The following UBA1 variants were observed in gnomAD, a reference collection of about 807,000 sequenced individuals.
UBA1 encodes ubiquitin-like modifier-activating enzyme 1.
UBA1 carries 4 observed loss-of-function variants against 84.7 expected under a neutral mutation model. The observed-to-expected ratio is 0.05, with a 90% CI of 0.02 to 0.11. UBA1 has a LOEUF of 0.11. UBA1 is among the 10% of genes least tolerant of loss of function. The pLI is 1.00. For missense variants in UBA1, 513 were observed against 902.8 expected, an observed-to-expected ratio of 0.57 and a Z score of 5.53; for synonymous variants, 364 against 362.6, an observed-to-expected ratio of 1.00 and a Z score of -0.04.
At chrX:47,198,572 G>A (rs1220529886) in intron 1 of UBA1, among the ~76,000 whole-genome samples, 1 of 111,686 alleles carries the variant, frequency 9.0e-6, no homozygotes, top group Non-Finnish European at 1.9e-5. Context: ...AGAAGCAAAT[G>A]GCTTAGTGGT....
chrX:47,191,398 A>G (rs1407969115), upstream of UBA1: 1 of 110,990 alleles, frequency 9.0e-6, no homozygotes, highest in Non-Finnish European at 1.9e-5. Context: ...TTTTGTGATG[A>G]GGTCCTCCCC....
At chrX:47,198,547 T>G (rs927968141) in intron 1 of UBA1, among the ~76,000 whole-genome samples, 4 of 111,427 alleles carry the variant, frequency 3.6e-5, no homozygotes, top group Non-Finnish European at 5.7e-5. Flanking sequence ...TCTCCCTCAT[T>G]ATGCTGGGCT....
rs782598394 is a variant in UBA1, at chrX:47,203,769, C to T, written c.1575+73C>T. 85 of 859,898 alleles carry T rather than the reference C, an allele frequency of 9.9e-5. No individual in the cohort carries two copies. The South Asian group carries it at 1.1e-3, about 12-fold the overall frequency. 70.9% of individuals were successfully genotyped at this position (859,898 alleles called of 1,213,427 possible). A position where few individuals can be genotyped will look rare whatever the true frequency, so the allele number is the denominator to read the frequency against. ...TTTCTTTTTTTTTTTTTTTTTGAGACGGAGTTTCGCTCTTGTTGCCCAGGC... is the reference window on the plus strand; with the variant it reads ...TTTCTTTTTTTTTTTTTTTTTGAGATGGAGTTTCGCTCTTGTTGCCCAGGC... On this transcript the variant is annotated intron_variant, in intron 14 of 25. Transcript: ENST00000335972.
In UBA1 at chrX:47,215,045, A is replaced by C. The variant is rs946021863; in HGVS notation, c.*116A>C. On this transcript the variant is annotated 3_prime_UTR_variant, in exon 26 of 26. Transcript: ENST00000335972. ...AACTAGCCAAGTCTGGTGTTCCCTC[A>C]TCATCCCCCTACCTGAACCCCTCTT... is the stretch of plus-strand genomic sequence containing the variant. The C allele has an allele frequency of 9.6e-7, 1 of 1,043,805 alleles. No homozygotes were observed. Among genetic ancestry groups the C allele is most frequent in the African/African-American group, 1.9e-5 (1 of 53,998 alleles). 86.0% of individuals were successfully genotyped at this position (1,043,805 alleles called of 1,213,427 possible).
At chrX:47,197,460 G>A (rs1936244457) in intron 1 of UBA1, 1 of 753,218 alleles carries the variant, frequency 1.3e-6, no homozygotes, top group Non-Finnish European at 1.6e-6. Flanking sequence ...TAGGTACATT[G>A]GGATACTTAG....
Position 47,202,450 on chromosome X carries a change from G to C in UBA1, c.1002G>C (p.Gln334His), listed in dbSNP as rs782806592. The change falls in exon 10 of 26, where the codon CAG becomes CAC. Residue 334 changes from glutamine to histidine, a missense_variant. Gln to His is a conservative substitution (Grantham distance 24, BLOSUM62 0). This residue lies in a region of UBA1 where 227 missense variants were observed against 339.1 expected (regional missense o/e 0.67). Transcript: ENST00000335972. ...CTGCCCAGCTGCACATTGGCTTCCA[G>C]GCCCTGCACCAGTTCTGTGCTCAGC... is the stretch of plus-strand genomic sequence containing the variant. Reference protein sequence around the residue: ...SRPAQLHIGFQALHQFCAQHG... With the variant: ...SRPAQLHIGFHALHQFCAQHG... 24 of 1,206,817 alleles carry C rather than the reference G, an allele frequency of 2.0e-5. No individual in the cohort carries two copies. In the East Asian group the frequency reaches 7.1e-4, roughly 36 times the overall value.
chrX:47,214,218 G>A (rs1429112626), intron 23 of UBA1, 109 bp from the exon 24 acceptor site: 2 of 666,186 alleles, frequency 3.0e-6, no homozygotes, highest in East Asian at 6.4e-5. Flanking sequence ...ACAAAAGAGG[G>A]TTGTGATCTG....
At chrX:47,198,145 C>A in intron 1 of UBA1, 1 of 949,184 alleles carries the variant, frequency 1.1e-6, no homozygotes, top group South Asian at 2.2e-5. Flanking sequence ...AACTTGAGCC[C>A]CTCTGGGGAC....
At position 47,214,843 on chromosome X, in the gene UBA1, G is replaced by A. The variant is rs898122193; in HGVS notation, c.3091G>A (p.Val1031Met). 1.7e-6 allele frequency: 2 copies of A among 1,211,904 alleles called. No individual in the cohort carries two copies. The highest frequency in any genetic ancestry group is 1.8e-5 in the South Asian group (1 of 57,039). Residue 1031 changes from valine to methionine, a missense_variant, in exon 26 of 26, where the codon GTG (valine) becomes ATG (methionine). Transcript: ENST00000335972. The stretch of plus-strand genomic sequence containing the variant: ...GTCGAAGCGAAAGCTGGGCCGCCAC[G>A]TGCGGGCGCTGGTGCTTGAGCTGTG... ...RVSKRKLGRH[V>M]RALVLELCCN...
intron 18 of UBA1, 41 bp from the exon 19 acceptor site, chrX:47,210,801 C>T: frequency 6.0e-6 from 7 of 1,175,883 alleles, no homozygotes; most frequent in Non-Finnish European, 6.9e-6. Flanking sequence ...GAGAGGCCTT[C>T]ACTCTCAGGT....
upstream of UBA1, among the ~76,000 whole-genome samples, chrX:47,193,439 A>T (rs536779085): frequency 1.8e-5 from 2 of 111,539 alleles, no homozygotes; most frequent in African/African-American, 6.5e-5. Flanking sequence ...CCCCTGCAAG[A>T]TCATCATTAT....
At chrX:47,206,151 TTGTG>T (rs782286198) in intron 15 of UBA1, 38 bp downstream of exon 15, 28 of 1,183,072 alleles carry the variant, frequency 2.4e-5, no homozygotes, top group Non-Finnish European at 3.1e-5. Flanking sequence ...ACGGGCAAAG[TTGTG>T]TGTGTTTCGG....
chrX:47,205,997 A>G lies in UBA1; in HGVS notation c.1625A>G (p.His542Arg), dbSNP rs1556790797. Reference sequence around the variant, plus strand: ...GCAGCTGTGCGCCAAATGAATCCACATATCCGGGTGACAAGCCACCAGAAC... The same window carrying G: ...GCAGCTGTGCGCCAAATGAATCCACGTATCCGGGTGACAAGCCACCAGAAC... ...AAAAVRQMNP[H>R]IRVTSHQNRV... Residue 542 changes from histidine to arginine, a missense_variant, in exon 15 of 26, where the codon CAT (histidine) becomes CGT (arginine). Around this residue, in one of 6 missense-constraint regions of UBA1, gnomAD observed 55 missense variants for 104.8 expected, o/e 0.52. Transcript: ENST00000335972. The G allele has an allele frequency of 3.3e-6, 4 of 1,203,466 alleles. No homozygotes were observed. The East Asian group carries it at 8.9e-5, about 27-fold the overall frequency.
At position 47,203,402 on chromosome X, in the gene UBA1, T is replaced by C. The variant is rs782545726; in HGVS notation, c.1420-139T>C. The C allele has an allele frequency of 5.7e-6, 5 of 875,081 alleles. No individual in the cohort carries two copies. In the South Asian group the frequency reaches 8.6e-5, roughly 15 times the overall value. The allele number at this position is 875,081 out of a possible 1,213,427, so 72.1% of individuals were successfully genotyped here. Reference sequence around the variant, plus strand: ...TCCTTCCTCACATGACTGCGTGTCATTTCTTAGAGTCCTGCAACCTGAAGA... The same window carrying C: ...TCCTTCCTCACATGACTGCGTGTCACTTCTTAGAGTCCTGCAACCTGAAGA... On this transcript the variant is annotated intron_variant, in intron 13 of 25. Transcript: ENST00000335972.
chrX:47,193,811 C>T (rs952711434), upstream of UBA1: 3 of 111,932 alleles, frequency 2.7e-5, no homozygotes, highest in Non-Finnish European at 5.6e-5. Flanking sequence ...TGTTCCGGCC[C>T]CAGGCTCAGC....
At chrX:47,204,223 A>G (rs1220229079) in intron 14 of UBA1, among the ~76,000 whole-genome samples, 1 of 89,370 alleles carries the variant, frequency 1.1e-5, no homozygotes, top group Non-Finnish European at 2.1e-5. Flanking sequence ...CCTCAAAACT[A>G]CTCTCAAGCT....
intron 14 of UBA1, chrX:47,205,255 G>A (rs972544595): frequency 8.3e-5 from 21 of 254,492 alleles, no homozygotes; most frequent in Admixed American, 5.2e-4. Flanking sequence ...GAGGAGGGAC[G>A]TGGCCCAATT....
rs782755186 is a variant in UBA1, at chrX:47,214,523, C to T, written c.2941-14C>T. 327 of 1,205,369 alleles carry T rather than the reference C, an allele frequency of 2.7e-4. No individual in the cohort carries two copies. In the South Asian group the frequency reaches 5.5e-3, roughly 20 times the overall value. On this transcript the variant is annotated splice_polypyrimidine_tract_variant and intron_variant, in intron 24 of 25. Coordinates refer to ENST00000335972, the MANE Select transcript of UBA1 (RefSeq NM_003334.4). Reference sequence around the variant, plus strand: ...TCCACCTCCATGACCCTGCTGTTCCCCCTCCCTCTCCAGACAGAGCACAAA... The same window carrying T: ...TCCACCTCCATGACCCTGCTGTTCCTCCTCCCTCTCCAGACAGAGCACAAA...
chrX:47,195,562 GTTTTCTACTGCAGTAGAAAACCCTCTTC>G (rs1324843627), intron 1 of UBA1, among the ~76,000 whole-genome samples: 11 of 111,295 alleles, frequency 9.9e-5, no homozygotes, highest in Non-Finnish European at 2.1e-4. Flanking sequence ...TGGCCCTCTT[GTTTTCTACTGCAGTAGAAAACCCTCTTC>G]TCAGCATCTA....
Sources: gnomAD v4.1 joint callset for allele counts (sites outside exome capture counted in the v4.1 genomes callset) on GRCh38, gnomAD v4.1.1 for gene constraint, gnomAD v4.1.1 regional missense constraint, MANE v1.5 for transcripts, NCBI Gene and HGNC (gene_info 2026-07-23, HGNC 2026-07-21) for gene names.